ATF7IP2: variants seen among roughly 807,000 people sequenced by gnomAD.
ATF7IP2 encodes the protein activating transcription factor 7-interacting protein 2.
In ATF7IP2, 42 loss-of-function variants were observed where a neutral mutation model predicts 64.2. That is an observed-to-expected ratio of 0.65 (90% confidence interval 0.51 to 0.85). The LOEUF (loss-of-function observed/expected upper bound fraction) is 0.85. Ranked by LOEUF, ATF7IP2 falls within the 40% of genes least tolerant of loss-of-function variation. The probability of loss-of-function intolerance (pLI) is 0.00; values close to 1 mark genes in which losing one functional copy is unlikely to be tolerated. For synonymous variants in ATF7IP2, 308 were observed against 272.8 expected (o/e 1.13, Z -1.27); for missense variants, 933 against 784.2 (o/e 1.19, Z -2.27).
rs1427999252 is a variant in ATF7IP2 at position 10,430,851 on chromosome 16, G to A, written c.231G>A (p.Leu77=). 6.2e-7 allele frequency: 1 copy of A among 1,613,704 alleles called. No homozygotes were observed. Among genetic ancestry groups the A allele is most frequent in the East Asian group, 2.2e-5 (1 of 44,872 alleles). The change falls in exon 5 of 14, where the codon TTG becomes TTA. Residue 77 remains leucine, a synonymous_variant. Coordinates refer to ENST00000562102, the MANE Select transcript of ATF7IP2 (RefSeq NM_001393719.1). ...CTTCTGAAAATGGTGCATCCTCATT[G>A]GACTCTAATAAAAATTCAATATCAG... The part of the protein sequence containing the change: ...CSPSENGASS[L]DSNKNSISEK...
At chr16:10,408,882 G>A (rs2047695220) in intron 1 of ATF7IP2, among the ~76,000 whole-genome samples, 1 of 152,120 alleles carries the variant, frequency 6.6e-6, no homozygotes, top group Non-Finnish European at 1.5e-5. Flanking sequence ...TGTTGCATTT[G>A]CTTTTGGGTT....
chr16:10,475,612 G>A (rs1314402058), intron 12 of ATF7IP2, among the ~76,000 whole-genome samples: 7 of 147,038 alleles, frequency 4.8e-5, no homozygotes, highest in South Asian at 2.2e-4. Flanking sequence ...AGAATGGCGC[G>A]AACCCGGGAA....
intron 8 of ATF7IP2, among the ~76,000 whole-genome samples, chr16:10,454,964 ATTT>A (rs1456047571): frequency 6.6e-6 from 1 of 152,178 alleles, no homozygotes; most frequent in Non-Finnish European, 1.5e-5. Context: ...AGTTAAACTT[ATTT>A]TATAGTCCAG....
rs531282987 is a variant in ATF7IP2 at position 10,431,374 on chromosome 16, G to T, written c.754G>T (p.Asp252Tyr). 8.7e-6 allele frequency: 14 copies of T among 1,614,120 alleles called. 1 individual carries two copies. In the South Asian group the frequency reaches 1.5e-4, roughly 18 times the overall value. The change falls in exon 5 of 14, where the codon GAT (aspartate) becomes TAT (tyrosine). Residue 252 changes from aspartate (D) to tyrosine (Y), a missense_variant. By Grantham distance (160) the Asp-to-Tyr change is radical. Coordinates refer to ENST00000562102, the MANE Select transcript of ATF7IP2 (RefSeq NM_001393719.1). ...NNCADDILKT[D>Y]ECSRTSISNC... Reference sequence around the variant, plus strand: ...CTGTGCTGATGACATTTTGAAAACTGATGAGTGTAGTAGAACCAGTATTTC... The same window carrying T: ...CTGTGCTGATGACATTTTGAAAACTTATGAGTGTAGTAGAACCAGTATTTC...
Position 10,433,519 on chromosome 16 carries a change from C to T in ATF7IP2, c.836-6C>T. The T allele has an allele frequency of 1.2e-6, 2 of 1,611,498 alleles. No individual in the cohort carries two copies. The highest frequency in any genetic ancestry group is 1.1e-5 in the South Asian group (1 of 90,900). ...TCTTTCTTTCTAATCTTTTGATCTC[C>T]TCAAGGCCATTATCAAAAGAAGAGG... is the stretch of plus-strand genomic sequence containing the variant. On this transcript the variant is annotated splice_polypyrimidine_tract_variant and splice_region_variant and intron_variant, in intron 5 of 13. Coordinates refer to ENST00000562102, the MANE Select transcript of ATF7IP2 (RefSeq NM_001393719.1).
At chr16:10,418,885 C>G (rs1053260631) in intron 2 of ATF7IP2, among the ~76,000 whole-genome samples, 1 of 152,182 alleles carries the variant, frequency 6.6e-6, no homozygotes, top group East Asian at 1.9e-4. Flanking sequence ...GAACTCTTGC[C>G]ATACTTCTTA....
At chr16:10,399,045 G>A (rs941033692) in intron 1 of ATF7IP2, among the ~76,000 whole-genome samples, 9 of 152,074 alleles carry the variant, frequency 5.9e-5, no homozygotes, top group Non-Finnish European at 1.2e-4. Flanking sequence ...CCCGTGAGGC[G>A]GAGTTTGCAG....
Position 10,477,054 on chromosome 16 carries a change from T to C in ATF7IP2, c.1549+3065T>C, listed in dbSNP as rs1229081131. Among the ~76,000 whole-genome samples, 5 of 152,262 alleles carry C rather than the reference T, an allele frequency of 3.3e-5. No homozygotes were observed. The East Asian group carries it at 9.6e-4, about 29-fold the overall frequency. On this transcript the variant is annotated intron_variant, in intron 12 of 13. Transcript: ENST00000562102. ...GCTAGGCCAAATGACAATTTTATGA[T>C]GAAATCGCCAAAACCAATTGCAACA... is the stretch of plus-strand genomic sequence containing the variant.
intron 8 of ATF7IP2, among the ~76,000 whole-genome samples, chr16:10,451,513 C>G (rs1485674724): frequency 6.6e-6 from 1 of 151,778 alleles, no homozygotes. Flanking sequence ...TGTGTTCGTT[C>G]CTTTTCAAAA....
At chr16:10,389,221 C>A (rs1294577086) in intron 1 of ATF7IP2, among the ~76,000 whole-genome samples, 1 of 152,014 alleles carries the variant, frequency 6.6e-6, no homozygotes, top group African/African-American at 2.4e-5. Context: ...AGACAAACTA[C>A]TGTGAAAGAA....
chr16:10,479,585 G>C (rs1243935041), intron 12 of ATF7IP2, among the ~76,000 whole-genome samples: 1 of 151,650 alleles, frequency 6.6e-6, no homozygotes, highest in Non-Finnish European at 1.5e-5. Flanking sequence ...ACACCAGCAT[G>C]GCACATGTAT....
At position 10,473,870 on chromosome 16, in the gene ATF7IP2, A is replaced by G. The variant is rs556102306; in HGVS notation, c.1483-53A>G. On this transcript the variant is annotated intron_variant, in intron 11 of 13. Coordinates refer to ENST00000562102, the MANE Select transcript of ATF7IP2 (RefSeq NM_001393719.1). ...ACCAAATGGTTTTAAATTTTTAAAA[A>G]CATTTTCAGCTATTGAGGCAAAGCT... 3 of 1,175,106 alleles carry G rather than the reference A, an allele frequency of 2.6e-6. No homozygotes were observed. In the South Asian group the frequency reaches 4.6e-5, roughly 18 times the overall value. 72.8% of individuals were successfully genotyped at this position (1,175,106 alleles called of 1,614,324 possible).
At chr16:10,427,708 A>C (rs1250529017) in intron 3 of ATF7IP2, among the ~76,000 whole-genome samples, 2 of 152,094 alleles carry the variant, frequency 1.3e-5, no homozygotes, top group East Asian at 3.9e-4. Flanking sequence ...TTTTTTTACA[A>C]ATTAGCCAGT....
chr16:10,405,723 C>G (rs1055253562), intron 1 of ATF7IP2, among the ~76,000 whole-genome samples: 1 of 152,212 alleles, frequency 6.6e-6, no homozygotes, highest in African/African-American at 2.4e-5. Flanking sequence ...CCCAGACCTA[C>G]AATTACCCCA....
At chr16:10,475,736 A>C (rs1195706849) in intron 12 of ATF7IP2, among the ~76,000 whole-genome samples, 2 of 150,482 alleles carry the variant, frequency 1.3e-5, no homozygotes, top group Non-Finnish European at 3.0e-5. Flanking sequence ...AAAAAAAAAA[A>C]AAAAAAAACA....
intron 8 of ATF7IP2, among the ~76,000 whole-genome samples, chr16:10,443,560 G>C (rs968213657): frequency 6.6e-6 from 1 of 152,194 alleles, no homozygotes; most frequent in Non-Finnish European, 1.5e-5. Context: ...GCAGGCATTT[G>C]CTTCTTGGTA....
At chr16:10,436,558 G>A (rs1490645318) in intron 6 of ATF7IP2, among the ~76,000 whole-genome samples, 3 of 151,718 alleles carry the variant, frequency 2.0e-5, no homozygotes, top group African/African-American at 7.3e-5. Flanking sequence ...GAGAACACTT[G>A]GAAACAGGAA....
Position 10,483,319 on chromosome 16 carries a change from T to C in ATF7IP2, c.*1070T>C, listed in dbSNP as rs1292254699. On this transcript the variant is annotated 3_prime_UTR_variant, in exon 14 of 14. Coordinates refer to ENST00000562102, the MANE Select transcript of ATF7IP2 (RefSeq NM_001393719.1). Reference sequence around the variant, plus strand: ...TTTCCTAAATGCTACCCTTTGATCATTTCCTGGCCACCATCACAATACTAA... The same window carrying C: ...TTTCCTAAATGCTACCCTTTGATCACTTCCTGGCCACCATCACAATACTAA... 1 of 152,184 alleles carries C rather than the reference T, an allele frequency of 6.6e-6. No homozygotes were observed. The highest frequency in any genetic ancestry group is 1.9e-4 in the East Asian group (1 of 5,200). The allele number at this position is 152,184 out of a possible 1,614,324, so 9.4% of individuals were successfully genotyped here. A position where few individuals can be genotyped will look rare whatever the true frequency, so the allele number is the denominator to read the frequency against.
intron 1 of ATF7IP2, among the ~76,000 whole-genome samples, chr16:10,401,044 G>A (rs1294502294): frequency 6.6e-6 from 1 of 152,128 alleles, no homozygotes; most frequent in Non-Finnish European, 1.5e-5. Flanking sequence ...AATGCTTTTT[G>A]TGCATATATT....
Sources: gnomAD v4.1 joint callset for allele counts (sites outside exome capture counted in the v4.1 genomes callset) on GRCh38, gnomAD v4.1.1 for gene constraint, MANE v1.5 for transcripts, NCBI Gene and HGNC (gene_info 2026-07-23, HGNC 2026-07-21) for gene names.